The following PRSS3 variants were observed in gnomAD, a reference collection of about 807,000 sequenced individuals.
PRSS3 encodes serine protease 3, also known as trypsin-3.
A neutral mutation model predicts 20.8 loss-of-function variants in PRSS3; 14 were observed. That is an observed-to-expected ratio of 0.67 (90% CI 0.44 to 1.05). PRSS3 has a LOEUF of 1.05. PRSS3 is among the 50% of genes least tolerant of loss of function. The probability of loss-of-function intolerance (pLI) is 0.00; values close to 1 mark genes in which losing one functional copy is unlikely to be tolerated. For missense variants in PRSS3, 237 were observed against 306.4 expected (o/e 0.77, Z 1.69); for synonymous variants, 91 against 117.6 (o/e 0.77, Z 1.46).
chr9:33,763,475 G>A (rs1052085575), intron 1 of PRSS3, among the ~76,000 whole-genome samples: 27 of 152,134 alleles, frequency 1.8e-4, no homozygotes, highest in Admixed American at 1.2e-3. Context: ...CGAGGCAGGC[G>A]GATCACGAGG....
At chr9:33,784,200 G>GT (rs1250545617) in intron 1 of PRSS3, among the ~76,000 whole-genome samples, 1 of 151,758 alleles carries the variant, frequency 6.6e-6, no homozygotes, top group Non-Finnish European at 1.5e-5. Flanking sequence ...TTTGTTTTTT[G>GT]TTTTTTTCAA....
In PRSS3 at chr9:33,797,978, C is replaced by T; in HGVS notation, c.350C>T (p.Ala117Val). 1 of 1,614,282 alleles carries T rather than the reference C, an allele frequency of 6.2e-7. No homozygotes were observed. The highest frequency in any genetic ancestry group is 8.5e-7 in the Non-Finnish European group (1 of 1,180,046). ...DIMLIKLSSP[A>V]VINARVSTIS... ...ATGCTGATCAAACTCTCCTCACCTGCCGTCATCAATGCCCGCGTGTCCACC... is the reference window on the plus strand; with the variant it reads ...ATGCTGATCAAACTCTCCTCACCTGTCGTCATCAATGCCCGCGTGTCCACC... The change falls in exon 3 of 5, where the codon GCC (alanine) becomes GTC (valine). Residue 117 changes from alanine to valine, a missense_variant. Transcript: ENST00000379405.
chr9:33,761,449 G>A (rs1036575173), intron 1 of PRSS3, among the ~76,000 whole-genome samples: 2 of 152,186 alleles, frequency 1.3e-5, no homozygotes, highest in Admixed American at 6.5e-5. Flanking sequence ...GCTTACACCT[G>A]TAATCCCAGC....
At chr9:33,756,930 G>T (rs1421378790) in intron 1 of PRSS3, among the ~76,000 whole-genome samples, 5 of 152,216 alleles carry the variant, frequency 3.3e-5, no homozygotes, top group Non-Finnish European at 7.3e-5. Flanking sequence ...TCATCTGTGA[G>T]CATGGTTTGT....
chr9:33,752,594 A>G (rs1416488182), intron 1 of PRSS3, among the ~76,000 whole-genome samples: 1 of 152,212 alleles, frequency 6.6e-6, no homozygotes, highest in Admixed American at 6.5e-5. Flanking sequence ...AATATGAACA[A>G]TTAGAGGCCA....
At chr9:33,772,636 CT>C (rs1245592423) in intron 1 of PRSS3, among the ~76,000 whole-genome samples, 1 of 152,066 alleles carries the variant, frequency 6.6e-6, no homozygotes, top group East Asian at 1.9e-4. Context: ...CATGAAAAAC[CT>C]TCTAGGACAG....
chr9:33,766,062 C>CT (rs978097477), intron 1 of PRSS3, among the ~76,000 whole-genome samples: 1 of 151,252 alleles, frequency 6.6e-6, no homozygotes, highest in African/African-American at 2.4e-5. Flanking sequence ...GTCACCAGTT[C>CT]GAGATCAGCC....
chr9:33,796,083 G>T (rs1824914303), intron 1 of PRSS3, among the ~76,000 whole-genome samples: 1 of 152,268 alleles, frequency 6.6e-6, no homozygotes, highest in Admixed American at 6.5e-5. Flanking sequence ...AACGTTTCCA[G>T]GCATGCCGCC....
intron 1 of PRSS3, among the ~76,000 whole-genome samples, chr9:33,788,644 A>G (rs1587393346): frequency 6.6e-6 from 1 of 152,298 alleles, no homozygotes; most frequent in Middle Eastern, 3.4e-3. Context: ...TTATTCTGGA[A>G]GGATCATTAC....
At chr9:33,783,910 A>T (rs1824279263) in intron 1 of PRSS3, among the ~76,000 whole-genome samples, 1 of 150,942 alleles carries the variant, frequency 6.6e-6, no homozygotes, top group Admixed American at 6.6e-5. Flanking sequence ...AAAAAAAAGA[A>T]GGAGGAGGAG....
intron 1 of PRSS3, among the ~76,000 whole-genome samples, chr9:33,760,950 T>C (rs924497554): frequency 4.6e-5 from 7 of 152,160 alleles, no homozygotes; most frequent in Admixed American, 1.3e-4. Flanking sequence ...TGCCTAATTT[T>C]CATGACAGTT....
At chr9:33,798,715 C>T (rs878985125) in intron 4 of PRSS3, 93 bp downstream of exon 4, 42 of 1,524,468 alleles carry the variant, frequency 2.8e-5, no homozygotes, top group Admixed American at 3.8e-5. Context: ...AGGGCTGAGG[C>T]GGCTCCCTGC....
intron 1 of PRSS3, among the ~76,000 whole-genome samples, chr9:33,770,823 A>G (rs1255713555): frequency 6.6e-6 from 1 of 152,178 alleles, no homozygotes; most frequent in African/African-American, 2.4e-5. Flanking sequence ...CCTAGCAACC[A>G]GTATATGTGG....
At chr9:33,790,541 G>A (rs1279497431) in intron 1 of PRSS3, among the ~76,000 whole-genome samples, 1 of 152,186 alleles carries the variant, frequency 6.6e-6, no homozygotes, top group Non-Finnish European at 1.5e-5. Context: ...TTATTCAGGT[G>A]TTAACTTAAA....
intron 1 of PRSS3, among the ~76,000 whole-genome samples, chr9:33,768,107 A>C (rs577313144): frequency 6.6e-6 from 1 of 152,352 alleles, no homozygotes; most frequent in East Asian, 1.9e-4. Flanking sequence ...TTTGGAACTA[A>C]ACAGTGAGTA....
chr9:33,760,403 T>C (rs1471754915), intron 1 of PRSS3, among the ~76,000 whole-genome samples: 1 of 152,070 alleles, frequency 6.6e-6, no homozygotes, highest in Non-Finnish European at 1.5e-5. Flanking sequence ...ATAAAGGGGT[T>C]TCAGAATTTG....
chr9:33,765,004 A>G (rs1459985973), intron 1 of PRSS3, among the ~76,000 whole-genome samples: 2 of 152,258 alleles, frequency 1.3e-5, no homozygotes, highest in Non-Finnish European at 2.9e-5. Context: ...AAGTGTTGGC[A>G]AAGATGTGAA....
At chr9:33,766,260 T>G in intron 1 of PRSS3, among the ~76,000 whole-genome samples, 2 of 36,560 alleles carry the variant, frequency 5.5e-5, no homozygotes, top group African/African-American at 1.2e-4. Context: ...CCAGATTCCG[T>G]CTCAAAAAAA....
chr9:33,764,753 T>C (rs905233471), intron 1 of PRSS3, among the ~76,000 whole-genome samples: 11 of 152,162 alleles, frequency 7.2e-5, no homozygotes, highest in Admixed American at 6.5e-4. Flanking sequence ...ACTCACAGAA[T>C]GGGAGAAAAT....
Sources: allele counts gnomAD v4.1 joint callset (sites outside exome capture counted in the v4.1 genomes callset), GRCh38; gene constraint gnomAD v4.1.1; transcripts MANE v1.5; gene names NCBI Gene and HGNC (gene_info 2026-07-23, HGNC 2026-07-21).